ENOX1: variants seen among roughly 807,000 people sequenced by gnomAD.
The protein encoded by ENOX1 is candidate growth-related and time keeping constitutive hydroquinone (NADH) oxidase.
In ENOX1, 42 loss-of-function variants were observed where a neutral mutation model predicts 82.5. The observed-to-expected ratio is 0.51, with a 90% CI of 0.40 to 0.66. The LOEUF is 0.66. Among genes scored for constraint, ENOX1 ranks in the 30% least tolerant of loss-of-function variants. The probability of loss-of-function intolerance (pLI) is 0.00; values close to 1 mark genes in which losing one functional copy is unlikely to be tolerated. For missense variants in ENOX1, 608 were observed against 811.6 expected (o/e 0.75, Z 3.05); for synonymous variants, 271 against 282.2 (o/e 0.96, Z 0.40).
In ENOX1 at chr13:43,764,124, C is replaced by G. The variant is rs912168220; in HGVS notation, c.-285+22528G>C. ...GGCATCCTGTTTATTCTAATTTTGC[C>G]AAAACGAGGTCAGTGAAGATTTAAA... is the stretch of plus-strand genomic sequence containing the variant. On this transcript the variant is annotated intron_variant, in intron 1 of 16. Transcript: ENST00000690772. Among the ~76,000 whole-genome samples the G allele has an allele frequency of 2.6e-5, 4 of 152,264 alleles. No individual in the cohort carries two copies. The South Asian group carries it at 8.3e-4, about 32-fold the overall frequency.
At chr13:43,696,583 G>A (rs1289494742) in intron 1 of ENOX1, among the ~76,000 whole-genome samples, 2 of 152,098 alleles carry the variant, frequency 1.3e-5, no homozygotes, top group Non-Finnish European at 2.9e-5. Flanking sequence ...TGGTGCTATA[G>A]GGCACACCGA....
At chr13:43,587,737 T>C (rs2081059748) in intron 2 of ENOX1, among the ~76,000 whole-genome samples, 1 of 152,262 alleles carries the variant, frequency 6.6e-6, no homozygotes, top group Non-Finnish European at 1.5e-5. Context: ...CTGAAAATTC[T>C]CTGAGTTTTA....
At chr13:43,244,233 A>G (rs141142037) in intron 14 of ENOX1, among the ~76,000 whole-genome samples, 2 of 151,790 alleles carry the variant, frequency 1.3e-5, no homozygotes, top group East Asian at 3.9e-4. Flanking sequence ...GGTTGCTGTG[A>G]GGACCAAATA....
intron 1 of ENOX1, among the ~76,000 whole-genome samples, chr13:43,702,872 G>C (rs2086989539): frequency 7.0e-6 from 1 of 142,274 alleles, no homozygotes; most frequent in Non-Finnish European, 1.5e-5. Context: ...AGTATGGCTT[G>C]AAGCCGGGAG....
intron 2 of ENOX1, among the ~76,000 whole-genome samples, chr13:43,642,851 C>G (rs560948723): frequency 2.0e-5 from 3 of 152,172 alleles, no homozygotes; most frequent in Non-Finnish European, 4.4e-5. Flanking sequence ...ACTTCCTTCA[C>G]GTAAGCTGAT....
chr13:43,666,111 A>T (rs1321235586), intron 2 of ENOX1, among the ~76,000 whole-genome samples: 2 of 152,028 alleles, frequency 1.3e-5, no homozygotes, highest in Non-Finnish European at 2.9e-5. Flanking sequence ...GAAATCCTTT[A>T]TTGCTAAAAC....
intron 8 of ENOX1, among the ~76,000 whole-genome samples, chr13:43,345,724 G>A (rs891288961): frequency 6.6e-6 from 1 of 152,174 alleles, no homozygotes; most frequent in Non-Finnish European, 1.5e-5. Flanking sequence ...CAAACCTGAG[G>A]GGAGAAGCTT....
At chr13:43,754,009 T>C (rs1197949889) in intron 1 of ENOX1, among the ~76,000 whole-genome samples, 1 of 40,930 alleles carries the variant, frequency 2.4e-5, no homozygotes, top group Admixed American at 2.6e-4. Context: ...TATATACATA[T>C]GTATACACAT....
chr13:43,693,070 G>A (rs1956932073), intron 1 of ENOX1, among the ~76,000 whole-genome samples: 3 of 152,130 alleles, frequency 2.0e-5, no homozygotes, highest in African/African-American at 7.2e-5. Context: ...TTATAACACA[G>A]TTGTGTTTTT....
At chr13:43,620,728 C>T (rs185838574) in intron 2 of ENOX1, among the ~76,000 whole-genome samples, 180 of 152,162 alleles carry the variant, frequency 1.2e-3, no homozygotes, top group African/African-American at 4.1e-3. Context: ...CTGCGGTTGT[C>T]GGATGAACTT....
chr13:43,654,778 C>T lies in ENOX1; in HGVS notation c.-219+12701G>A, dbSNP rs544409172. Among the ~76,000 whole-genome samples, 404 of 152,222 alleles carry T rather than the reference C, an allele frequency of 2.7e-3. 1 individual carries two copies. Among genetic ancestry groups the T allele is most frequent in the Non-Finnish European group, 2.9e-3 (200 of 68,004 alleles). On this transcript the variant is annotated intron_variant, in intron 2 of 16. Coordinates refer to ENST00000690772, the MANE Select transcript of ENOX1 (RefSeq NM_001347969.2). ...GAGCCCAGAAGGTTTTGGGGCTCAG[C>T]TTGCTGCATTTATATTCTGAATTCT...
intron 1 of ENOX1, among the ~76,000 whole-genome samples, chr13:43,719,337 ACACACACAC>A (rs934380728): frequency 2.0e-5 from 3 of 151,176 alleles, no homozygotes; most frequent in Non-Finnish European, 4.4e-5. Context: ...ACACACACAC[ACACACACAC>A]ACCAGCAATC....
At chr13:43,440,318 T>C (rs1320815044) in intron 3 of ENOX1, among the ~76,000 whole-genome samples, 2 of 152,190 alleles carry the variant, frequency 1.3e-5, no homozygotes, top group Non-Finnish European at 2.9e-5. Context: ...TCTTTTAGCA[T>C]GGCAATTAAA....
intron 11 of ENOX1, among the ~76,000 whole-genome samples, chr13:43,316,890 A>C (rs1456831553): frequency 6.6e-6 from 1 of 152,136 alleles, no homozygotes; most frequent in Non-Finnish European, 1.5e-5. Flanking sequence ...TTCTTTTATC[A>C]TCTTTAAGCC....
intron 3 of ENOX1, among the ~76,000 whole-genome samples, chr13:43,419,331 A>G (rs780270706): frequency 6.6e-6 from 1 of 151,842 alleles, no homozygotes; most frequent in Non-Finnish European, 1.5e-5. Flanking sequence ...GATTGGTTGA[A>G]CCCAGGAGTT....
intron 2 of ENOX1, among the ~76,000 whole-genome samples, chr13:43,548,876 GATATTACC>G (rs2079075308): frequency 6.6e-6 from 1 of 152,090 alleles, no homozygotes; most frequent in Admixed American, 6.5e-5. Flanking sequence ...ACTGGGTTCA[GATATTACC>G]TTCTGCAAAA....
At chr13:43,629,162 T>C (rs762499311) in intron 2 of ENOX1, among the ~76,000 whole-genome samples, 1 of 152,178 alleles carries the variant, frequency 6.6e-6, no homozygotes, top group Non-Finnish European at 1.5e-5. Flanking sequence ...AGTTATAGCC[T>C]CTGGAAAGTG....
intron 1 of ENOX1, among the ~76,000 whole-genome samples, chr13:43,729,797 A>C (rs1429784590): frequency 6.6e-6 from 1 of 152,246 alleles, no homozygotes; most frequent in Non-Finnish European, 1.5e-5. Context: ...TATTGACAGA[A>C]AGTCAACTTT....
Position 43,213,249 on chromosome 13 carries a change from GACAATAAC to G in ENOX1, c.*733_*740del, listed in dbSNP as rs201565123. Among the ~76,000 whole-genome samples, 593 of 152,200 alleles carry G rather than the reference GACAATAAC, an allele frequency of 3.9e-3. 13 individuals carry two copies. Among genetic ancestry groups the G allele is most frequent in the Admixed American group, 0.034 (520 of 15,296 alleles). ...CCTGAATGTTACATACCAAGTACAAGACAATAACACTAGTTTTTCCTTTATTTACACTT... is the reference window on the plus strand; with the variant it reads ...CCTGAATGTTACATACCAAGTACAAGACTAGTTTTTCCTTTATTTACACTT... On this transcript the variant is annotated 3_prime_UTR_variant, in exon 17 of 17. Transcript: ENST00000690772.
Sources: gnomAD v4.1 joint callset for allele counts (sites outside exome capture counted in the v4.1 genomes callset) on GRCh38, gnomAD v4.1.1 for gene constraint, MANE v1.5 for transcripts, NCBI Gene and HGNC (gene_info 2026-07-23, HGNC 2026-07-21) for gene names.